The following SPACA7 variants were observed in gnomAD, a reference collection of about 807,000 sequenced individuals.
The protein encoded by SPACA7 is sperm acrosome-associated protein 7.
A neutral mutation model predicts 26.3 loss-of-function variants in SPACA7; 19 were observed. The observed-to-expected ratio is 0.72, with a 90% CI of 0.50 to 1.06. The LOEUF is 1.06. Ranked by LOEUF, SPACA7 falls within the 50% of genes least tolerant of loss-of-function variation. The pLI is 0.00. For synonymous variants in SPACA7, 84 were observed against 84.5 expected (o/e 0.99, Z 0.04); for missense variants, 211 against 229.9 (o/e 0.92, Z 0.53).
At chr13:112,393,519 C>T (rs1290057556) in intron 2 of SPACA7, among the ~76,000 whole-genome samples, 1 of 151,286 alleles carries the variant, frequency 6.6e-6, no homozygotes, top group Admixed American at 6.6e-5. Context: ...CTGCCAGCCC[C>T]CTGGAAAGAT....
At chr13:112,382,055 G>A (rs867924550) in intron 1 of SPACA7, among the ~76,000 whole-genome samples, 5 of 152,110 alleles carry the variant, frequency 3.3e-5, no homozygotes, top group South Asian at 2.1e-4. Context: ...AGCTGTTACC[G>A]TCTTTGTTTA....
intron 5 of SPACA7, among the ~76,000 whole-genome samples, chr13:112,405,067 C>G (rs1885896773): frequency 6.7e-6 from 1 of 150,324 alleles, no homozygotes; most frequent in Non-Finnish European, 1.5e-5. Context: ...ACTGCAAGCT[C>G]CGCCTCCCGG....
chr13:112,418,893 G>T (rs1414390358), intron 5 of SPACA7, among the ~76,000 whole-genome samples: 1 of 151,956 alleles, frequency 6.6e-6, no homozygotes, highest in East Asian at 1.9e-4. Flanking sequence ...TGCAGTGGTG[G>T]GTGCCTGTAA....
At chr13:112,385,186 CT>C (rs1179373213) in intron 1 of SPACA7, among the ~76,000 whole-genome samples, 4 of 152,168 alleles carry the variant, frequency 2.6e-5, no homozygotes, top group Non-Finnish European at 4.4e-5. Flanking sequence ...TTTACAAACC[CT>C]TTTCACTTTG....
chr13:112,383,769 A>G (rs1287271289), intron 1 of SPACA7, among the ~76,000 whole-genome samples: 2 of 152,248 alleles, frequency 1.3e-5, no homozygotes, highest in East Asian at 3.8e-4. Flanking sequence ...AATTGGCTTT[A>G]TAAGTTAACT....
intron 5 of SPACA7, among the ~76,000 whole-genome samples, 197 bp from the exon 6 acceptor site, chr13:112,432,247 G>C (rs1313228266): frequency 6.6e-6 from 1 of 152,196 alleles, no homozygotes. Flanking sequence ...ACACTTTCTG[G>C]GGCTTGCTGG....
intron 5 of SPACA7, among the ~76,000 whole-genome samples, chr13:112,429,989 A>T (rs1416211188): frequency 1.3e-5 from 2 of 152,172 alleles, no homozygotes; most frequent in Non-Finnish European, 2.9e-5. Context: ...TTTCCTGTGT[A>T]TTATGAGGGT....
At chr13:112,434,401 C>A in intron 6 of SPACA7, 84 bp from the exon 7 acceptor site, 2 of 1,175,970 alleles carry the variant, frequency 1.7e-6, no homozygotes, top group Admixed American at 2.0e-5. Context: ...TCCTCCTGTC[C>A]CCTGGTGTCC....
At chr13:112,430,986 C>G (rs1877071103) in intron 5 of SPACA7, among the ~76,000 whole-genome samples, 1 of 152,186 alleles carries the variant, frequency 6.6e-6, no homozygotes, top group African/African-American at 2.4e-5. Flanking sequence ...AGTAATCTCT[C>G]TGGTGTAGGT....
intron 1 of SPACA7, among the ~76,000 whole-genome samples, chr13:112,389,183 A>G (rs1469089774): frequency 6.6e-6 from 1 of 152,232 alleles, no homozygotes; most frequent in African/African-American, 2.4e-5. Flanking sequence ...TAAACTATGA[A>G]CCTTCTCCCA....
intron 3 of SPACA7, among the ~76,000 whole-genome samples, chr13:112,398,389 C>T (rs529725685): frequency 6.6e-6 from 1 of 152,098 alleles, no homozygotes; most frequent in South Asian, 2.1e-4. Context: ...CGTGTTCAGG[C>T]ACGTTCTCGC....
At position 112,432,441 on chromosome 13, in the gene SPACA7, CAGAAA is replaced by C. The variant is rs772844087; in HGVS notation, c.448_452del (p.Lys150PhefsTer7). On this transcript the variant is annotated splice_acceptor_variant and coding_sequence_variant, in exon 6 of 7. Coordinates refer to ENST00000283550, the MANE Select transcript of SPACA7 (RefSeq NM_145248.5). LOFTEE classifies it high-confidence loss of function. Reference sequence around the variant, plus strand: ...ATCATTGTACTTATTGTTTTCCCCACAGAAAAGAATTCAAAGAACACTCAGTATGA... The same window carrying C: ...ATCATTGTACTTATTGTTTTCCCCACAGAATTCAAAGAACACTCAGTATGA... 6.2e-7 allele frequency: 1 copy of C among 1,601,744 alleles called. No homozygotes were observed. The highest frequency in any genetic ancestry group is 8.6e-7 in the Non-Finnish European group (1 of 1,168,788).
chr13:112,420,546 GA>G lies in SPACA7; in HGVS notation c.446-11892del, dbSNP rs373373789. 2.7e-3 allele frequency among the ~76,000 whole-genome samples: 410 copies of G among 151,736 alleles called. 3 individuals carry two copies. The highest frequency in any genetic ancestry group is 9.3e-3 in the African/African-American group (386 of 41,336). On this transcript the variant is annotated intron_variant, in intron 5 of 6. Coordinates refer to ENST00000283550, the MANE Select transcript of SPACA7 (RefSeq NM_145248.5). Reference sequence around the variant, plus strand: ...GAAACATAAAGGGAAAAAAAAGAATGAAAAAACACCATATTACCAAAGAGTT... The same window carrying G: ...GAAACATAAAGGGAAAAAAAAGAATGAAAAACACCATATTACCAAAGAGTT...
At chr13:112,378,778 G>A in intron 1 of SPACA7, 1 of 471,042 alleles carries the variant, frequency 2.1e-6, no homozygotes, top group Non-Finnish European at 4.4e-6. Flanking sequence ...TTTAAAAACT[G>A]TCTGGTCACC....
At position 112,412,558 on chromosome 13, in the gene SPACA7, T is replaced by G. The variant is rs1303677807; in HGVS notation, c.445+11394T>G. Among the ~76,000 whole-genome samples, 3 of 152,134 alleles carry G rather than the reference T, an allele frequency of 2.0e-5. No homozygotes were observed. The South Asian group carries it at 6.2e-4, about 31-fold the overall frequency. On this transcript the variant is annotated intron_variant, in intron 5 of 6. Coordinates refer to ENST00000283550, the MANE Select transcript of SPACA7 (RefSeq NM_145248.5). The stretch of plus-strand genomic sequence containing the variant: ...CAGATGTTCTAAAGTGTTTTTCTAA[T>G]GTTTACTTCTAATGTTTTCATAGTT...
rs147248117 is a variant in SPACA7, at chr13:112,382,312, C to T, written c.94+5833C>T. The T allele has an allele frequency of 5.1e-4, 469 of 918,092 alleles. 4 individuals are homozygous for T. The East Asian group carries it at 0.012, about 23-fold the overall frequency. The allele number at this position is 918,092 out of a possible 1,614,324, so 56.9% of individuals were successfully genotyped here. A position where few individuals can be genotyped will look rare whatever the true frequency, so the allele number is the denominator to read the frequency against. Reference sequence around the variant, plus strand: ...CTGTTGCCAGACTGGAGTGCAGAGGCGCCTCTCGATTTCTTGACCTCATGG... The same window carrying T: ...CTGTTGCCAGACTGGAGTGCAGAGGTGCCTCTCGATTTCTTGACCTCATGG... On this transcript the variant is annotated intron_variant, in intron 1 of 6. Transcript: ENST00000283550.
rs747665535 is a variant in SPACA7, at chr13:112,376,367, T to C, written c.-19T>C. The C allele has an allele frequency of 6.2e-7, 1 of 1,610,410 alleles. No homozygotes were observed. The highest frequency in any genetic ancestry group is 8.5e-7 in the Non-Finnish European group (1 of 1,178,430). On this transcript the variant is annotated 5_prime_UTR_variant, in exon 1 of 7. Coordinates refer to ENST00000283550, the MANE Select transcript of SPACA7 (RefSeq NM_145248.5). Reference sequence around the variant, plus strand: ...ACTGTCAACCTTCAGAACGTCCTTCTCCCTCAGCTGGAGGGAGCATGGCAG... The same window carrying C: ...ACTGTCAACCTTCAGAACGTCCTTCCCCCTCAGCTGGAGGGAGCATGGCAG...
chr13:112,379,891 C>T (rs1455074646), intron 1 of SPACA7, among the ~76,000 whole-genome samples: 1 of 152,090 alleles, frequency 6.6e-6, no homozygotes, highest in African/African-American at 2.4e-5. Flanking sequence ...GGTAGCTATC[C>T]ATTTAAGTTA....
chr13:112,413,677 C>G (rs1008497742), intron 5 of SPACA7, among the ~76,000 whole-genome samples: 2 of 152,078 alleles, frequency 1.3e-5, no homozygotes, highest in African/African-American at 4.8e-5. Context: ...AAACTTTCTA[C>G]TCCTATATTT....
Sources: gnomAD v4.1 joint callset for allele counts (sites outside exome capture counted in the v4.1 genomes callset) on GRCh38, gnomAD v4.1.1 for gene constraint, MANE v1.5 for transcripts, NCBI Gene and HGNC (gene_info 2026-07-23, HGNC 2026-07-21) for gene names.